The following ZSWIM6 variants were observed in gnomAD, a reference collection of about 807,000 sequenced individuals.
The protein encoded by ZSWIM6 is zinc finger SWIM domain-containing protein 6.
A neutral mutation model predicts 113.2 loss-of-function variants in ZSWIM6; 9 were observed. The ratio of observed to expected loss-of-function variants is 0.08; its 90% CI spans 0.05 to 0.14. The LOEUF (loss-of-function observed/expected upper bound fraction) is 0.14. Among genes scored for constraint, ZSWIM6 ranks in the 10% least tolerant of loss-of-function variants. ZSWIM6 has a pLI of 1.00. For missense variants in ZSWIM6, 1,162 were observed against 1,552.2 expected, an observed-to-expected ratio of 0.75 and a Z score of 4.22; for synonymous variants, 611 against 606.5, an observed-to-expected ratio of 1.01 and a Z score of -0.11.
intron 9 of ZSWIM6, 95 bp from the exon 10 acceptor site, chr5:61,535,389 T>C (rs547391352): frequency 1.4e-6 from 2 of 1,379,594 alleles, no homozygotes; most frequent in East Asian, 2.5e-5. Flanking sequence ...TATTTGTATA[T>C]GTTATAACTT....
chr5:61,448,731 G>T (rs1290997588), intron 1 of ZSWIM6, among the ~76,000 whole-genome samples: 2 of 152,022 alleles, frequency 1.3e-5, no homozygotes, highest in Non-Finnish European at 2.9e-5. Context: ...ATATATGGGG[G>T]TATGATAAGA....
In ZSWIM6 at chr5:61,528,732, C is replaced by T. The variant is rs371103063; in HGVS notation, c.1838-1320C>T. Among the ~76,000 whole-genome samples, 14 of 152,068 alleles carry T rather than the reference C, an allele frequency of 9.2e-5. No homozygotes were observed. The East Asian group carries it at 2.7e-3, about 29-fold the overall frequency. On this transcript the variant is annotated intron_variant, in intron 7 of 13. Transcript: ENST00000252744. ...CCTCCCGAGTAGCTGGGATTATAGG[C>T]ACCCACCACCACGGCCAGCTAATTT...
intron 3 of ZSWIM6, among the ~76,000 whole-genome samples, chr5:61,491,420 T>C (rs1201379671): frequency 2.6e-5 from 4 of 152,090 alleles, no homozygotes; most frequent in African/African-American, 9.6e-5. Context: ...TCTAAGTATA[T>C]AAACCTTGGC....
At chr5:61,485,443 A>G (rs541258929) in intron 2 of ZSWIM6, among the ~76,000 whole-genome samples, 2 of 152,146 alleles carry the variant, frequency 1.3e-5, no homozygotes, top group South Asian at 2.1e-4. Context: ...GGGTATGTCA[A>G]ATTCACCATA....
rs149260222 is a variant in ZSWIM6 at position 61,517,251 on chromosome 5, G to A, written c.1334-4012G>A. On this transcript the variant is annotated intron_variant, in intron 4 of 13. Transcript: ENST00000252744. Reference sequence around the variant, plus strand: ...TTCTTCTCCTCATCTTTTGGGAATCGAAAGACATAAATGTTAAACCTTTTG... The same window carrying A: ...TTCTTCTCCTCATCTTTTGGGAATCAAAAGACATAAATGTTAAACCTTTTG... Among the ~76,000 whole-genome samples the A allele has an allele frequency of 4.1e-4, 62 of 152,064 alleles. No homozygotes were observed. The East Asian group carries it at 9.1e-3, about 22-fold the overall frequency.
chr5:61,400,689 C>T (rs1312228437), intron 1 of ZSWIM6, among the ~76,000 whole-genome samples: 1 of 152,152 alleles, frequency 6.6e-6, no homozygotes, highest in Non-Finnish European at 1.5e-5. Flanking sequence ...CTTGTTCTGC[C>T]TGCTGAATCC....
chr5:61,485,163 C>G (rs1309804009), intron 2 of ZSWIM6, among the ~76,000 whole-genome samples: 1 of 152,056 alleles, frequency 6.6e-6, no homozygotes, highest in Non-Finnish European at 1.5e-5. Context: ...AGGGCAGATA[C>G]AATTCTTGCT....
intron 1 of ZSWIM6, among the ~76,000 whole-genome samples, chr5:61,423,583 A>G (rs141205405): frequency 1.3e-3 from 204 of 152,310 alleles, no homozygotes; most frequent in Middle Eastern, 3.4e-3. Context: ...CTTTTAGTGA[A>G]GATACATGTA....
chr5:61,444,884 T>A (rs769818042), intron 1 of ZSWIM6, among the ~76,000 whole-genome samples: 24 of 152,196 alleles, frequency 1.6e-4, no homozygotes, highest in Admixed American at 1.6e-3. Flanking sequence ...AAGACGAGGC[T>A]TTGAGTAGTG....
At position 61,544,819 on chromosome 5, in the gene ZSWIM6, C is replaced by T. The variant is rs1434377079; in HGVS notation, c.*502C>T. Reference sequence around the variant, plus strand: ...AAATGAAATACTAATAGTAAAAAGGCTGACCCATGTGGCTTTGCAGTGCTG... The same window carrying T: ...AAATGAAATACTAATAGTAAAAAGGTTGACCCATGTGGCTTTGCAGTGCTG... On this transcript the variant is annotated 3_prime_UTR_variant, in exon 14 of 14. Coordinates refer to ENST00000252744, the MANE Select transcript of ZSWIM6 (RefSeq NM_020928.2). The T allele has an allele frequency of 1.3e-5, 2 of 152,190 alleles. No individual in the cohort carries two copies. The highest frequency in any genetic ancestry group is 4.8e-5 in the African/African-American group (2 of 41,392). The allele number at this position is 152,190 out of a possible 1,614,324, so 9.4% of individuals were successfully genotyped here. A position where few individuals can be genotyped will look rare whatever the true frequency, so the allele number is the denominator to read the frequency against.
intron 1 of ZSWIM6, among the ~76,000 whole-genome samples, chr5:61,400,613 G>A (rs1745925630): frequency 6.6e-6 from 1 of 152,198 alleles, no homozygotes; most frequent in South Asian, 2.1e-4. Context: ...TAGATGGGCA[G>A]CTTATTTTTT....
In ZSWIM6 at chr5:61,525,988, A is replaced by G. The variant is rs747616041; in HGVS notation, c.1690+12A>G. 1.9e-6 allele frequency: 3 copies of G among 1,551,824 alleles called. No homozygotes were observed. The highest frequency in any genetic ancestry group is 1.4e-5 in the African/African-American group (1 of 73,164). ...GCCCCTCTGGCATGGTAAGTGACCA[A>G]ACCGGAAAGACATTTCCATGACTTA... is the stretch of plus-strand genomic sequence containing the variant. On this transcript the variant is annotated intron_variant, in intron 6 of 13. Coordinates refer to ENST00000252744, the MANE Select transcript of ZSWIM6 (RefSeq NM_020928.2).
chr5:61,377,753 T>G (rs1745401885), intron 1 of ZSWIM6, among the ~76,000 whole-genome samples: 1 of 150,192 alleles, frequency 6.7e-6, no homozygotes, highest in South Asian at 2.1e-4. Context: ...AAGACAAGTT[T>G]GAAAAATGTT....
At chr5:61,333,309 G>T (rs956986799) in intron 1 of ZSWIM6, among the ~76,000 whole-genome samples, 1 of 151,412 alleles carries the variant, frequency 6.6e-6, no homozygotes. Context: ...GCGGACGGCC[G>T]GCCTCCGGCG....
intron 4 of ZSWIM6, among the ~76,000 whole-genome samples, chr5:61,498,981 T>C (rs999247987): frequency 1.3e-5 from 2 of 152,152 alleles, no homozygotes; most frequent in Non-Finnish European, 2.9e-5. Context: ...CTTCTTACTT[T>C]AGTTGAGTTA....
At chr5:61,456,788 T>C (rs1421929639) in intron 1 of ZSWIM6, among the ~76,000 whole-genome samples, 3 of 152,234 alleles carry the variant, frequency 2.0e-5, no homozygotes, top group African/African-American at 4.8e-5. Flanking sequence ...GTAGCTATCA[T>C]TTATTGTATC....
At chr5:61,432,426 C>T (rs1484977195) in intron 1 of ZSWIM6, among the ~76,000 whole-genome samples, 1 of 152,188 alleles carries the variant, frequency 6.6e-6, no homozygotes, top group Non-Finnish European at 1.5e-5. Context: ...TCTTGTTATC[C>T]TTGCATATTA....
intron 1 of ZSWIM6, chr5:61,391,591 T>C: frequency 1.1e-6 from 1 of 909,268 alleles, no homozygotes; most frequent in Non-Finnish European, 1.9e-6. Flanking sequence ...TCGAGGGGTT[T>C]CCACGAAGCC....
chr5:61,336,371 A>T (rs1744395763), intron 1 of ZSWIM6, among the ~76,000 whole-genome samples: 1 of 150,778 alleles, frequency 6.6e-6, no homozygotes. Context: ...GAAGTTACAT[A>T]AAAAAAAAAT....
Sources: gnomAD v4.1 joint callset for allele counts (sites outside exome capture counted in the v4.1 genomes callset) on GRCh38, gnomAD v4.1.1 for gene constraint, MANE v1.5 for transcripts, NCBI Gene and HGNC (gene_info 2026-07-23, HGNC 2026-07-21) for gene names.